The following RLF variants were observed in gnomAD, a reference collection of about 807,000 sequenced individuals.
RLF encodes the protein zinc finger protein Rlf.
In RLF, 7 loss-of-function variants were observed where a neutral mutation model predicts 162.9. The ratio of observed to expected loss-of-function variants is 0.04; its 90% CI spans 0.02 to 0.08. The LOEUF (loss-of-function observed/expected upper bound fraction) is 0.08. Ranked by LOEUF, RLF falls within the 10% of genes least tolerant of loss-of-function variation. The pLI, the probability that RLF is intolerant of heterozygous loss-of-function variation, is 1.00. For synonymous variants in RLF, 782 were observed against 791.5 expected (o/e 0.99, Z 0.20); for missense variants, 1,664 against 2,244.7 (o/e 0.74, Z 5.23).
Position 40,236,442 on chromosome 1 carries a change from A to G in RLF, c.1740A>G (p.Gly580=). The change falls in exon 8 of 8, where the codon GGA becomes GGG. Residue 580 remains glycine, a synonymous_variant. Coordinates refer to ENST00000372771, the MANE Select transcript of RLF (RefSeq NM_012421.4). This position sits in a 1 kb window ranked among gnomAD's most constrained non-coding sequence, Gnocchi z 7.7. ...LHHSKMHMED[G]IYTCPVCIKK... ...ATTCTAAGATGCATATGGAAGATGG[A>G]ATTTACACCTGTCCAGTTTGTATTA... 2 of 1,614,074 alleles carry G rather than the reference A, an allele frequency of 1.2e-6. No homozygotes were observed. The highest frequency in any genetic ancestry group is 1.7e-6 in the Non-Finnish European group (2 of 1,179,976).
chr1:40,211,344 C>T (rs1471644815), intron 5 of RLF, among the ~76,000 whole-genome samples: 2 of 152,218 alleles, frequency 1.3e-5, no homozygotes, highest in East Asian at 3.8e-4. Context: ...AGCTGGAATG[C>T]AGGTCACCTG....
chr1:40,196,684 GA>G (rs1642642699), intron 4 of RLF, among the ~76,000 whole-genome samples: 1 of 151,836 alleles, frequency 6.6e-6, no homozygotes, highest in South Asian at 2.1e-4. Context: ...ATTTTTTGTA[GA>G]TATGGGGGTC....
chr1:40,205,521 G>T (rs1296661176), intron 5 of RLF, among the ~76,000 whole-genome samples: 1 of 112,012 alleles, frequency 8.9e-6, no homozygotes, highest in Non-Finnish European at 1.7e-5. Context: ...ACAGAGTCTC[G>T]CACTGTCACC....
intron 1 of RLF, among the ~76,000 whole-genome samples, chr1:40,187,082 AG>A (rs10710518): frequency 0.19 from 28,285 of 151,030 alleles, 2,778 homozygotes; most frequent in Non-Finnish European, 0.21. Flanking sequence ...GCCAGGCTGG[AG>A]TGCAGTGGCG....
At chr1:40,190,735 A>G (rs970634322) in intron 2 of RLF, 37 bp from the exon 3 acceptor site, 44 of 1,315,402 alleles carry the variant, frequency 3.3e-5, no homozygotes, top group African/African-American at 5.8e-5. Flanking sequence ...AATTATTACT[A>G]TAACCACCTT....
At chr1:40,167,012 A>G (rs985753523) in intron 1 of RLF, among the ~76,000 whole-genome samples, 1 of 152,204 alleles carries the variant, frequency 6.6e-6, no homozygotes, top group African/African-American at 2.4e-5. Context: ...ATTTTAAAAA[A>G]AAAGAAATTA....
chr1:40,216,195 A>G (rs1171119630), intron 5 of RLF, among the ~76,000 whole-genome samples: 2 of 152,184 alleles, frequency 1.3e-5, no homozygotes, highest in Non-Finnish European at 1.5e-5. Context: ...GATAAAACCC[A>G]CTGAGGCCAG....
At chr1:40,165,122 A>G (rs1157085660) in intron 1 of RLF, among the ~76,000 whole-genome samples, 1 of 152,344 alleles carries the variant, frequency 6.6e-6, no homozygotes, top group Non-Finnish European at 1.5e-5. Flanking sequence ...TATTTTTAAA[A>G]ATGCCTTCAG....
chr1:40,197,452 A>G (rs183280635), intron 4 of RLF, among the ~76,000 whole-genome samples: 38 of 152,256 alleles, frequency 2.5e-4, no homozygotes, highest in African/African-American at 8.7e-4. Context: ...GGCAGAGGAG[A>G]TTGCATGTTT....
intron 3 of RLF, among the ~76,000 whole-genome samples, chr1:40,193,138 A>AC (rs1467776746): frequency 6.6e-6 from 1 of 151,726 alleles, no homozygotes; most frequent in African/African-American, 2.4e-5. Flanking sequence ...AAAAAAAAAA[A>AC]AAAAAAAAGA....
At chr1:40,177,239 G>A (rs1448070657) in intron 1 of RLF, among the ~76,000 whole-genome samples, 2 of 151,722 alleles carry the variant, frequency 1.3e-5, no homozygotes, top group Admixed American at 1.3e-4. Context: ...GCCCGTGCTG[G>A]GATTATCAGC....
At chr1:40,229,407 A>G (rs998483068) in intron 6 of RLF, among the ~76,000 whole-genome samples, 3 of 146,744 alleles carry the variant, frequency 2.0e-5, no homozygotes, top group Non-Finnish European at 1.5e-5. Context: ...TATATTGGTT[A>G]TAGCTCAAAT....
rs12022083 is a variant in RLF at position 40,221,491 on chromosome 1, A to G, written c.811-1083A>G. Among the ~76,000 whole-genome samples, 119 of 152,318 alleles carry G rather than the reference A, an allele frequency of 7.8e-4. No individual in the cohort carries two copies. The East Asian group carries it at 0.022, about 28-fold the overall frequency. On this transcript the variant is annotated intron_variant, in intron 5 of 7. Transcript: ENST00000372771. The stretch of plus-strand genomic sequence containing the variant: ...ATAACATTTGAGCTGAGCTTTAAAA[A>G]AAGCCTTTCTGCACCTACCTGAAGA...
intron 6 of RLF, 54 bp from the exon 7 acceptor site, chr1:40,231,463 G>A (rs1643150880): frequency 3.9e-6 from 6 of 1,555,598 alleles, no homozygotes; most frequent in Non-Finnish European, 5.2e-6. Flanking sequence ...CCGGGGGCAG[G>A]GCAGCAAATA....
chr1:40,165,047 A>G (rs1642146526), intron 1 of RLF, among the ~76,000 whole-genome samples: 1 of 152,208 alleles, frequency 6.6e-6, no homozygotes, highest in Non-Finnish European at 1.5e-5. Flanking sequence ...TCTTTTGCAA[A>G]TGGATAATAG....
chr1:40,195,791 G>A, intron 4 of RLF, 27 bp downstream of exon 4: 1 of 1,595,672 alleles, frequency 6.3e-7, no homozygotes, highest in Non-Finnish European at 8.5e-7. Flanking sequence ...TATTGGATGA[G>A]GATTTAGTTC....
Position 40,195,754 on chromosome 1 carries a change from A to G in RLF, c.597A>G (p.Glu199=). 1 of 1,613,658 alleles carries G rather than the reference A, an allele frequency of 6.2e-7. No homozygotes were observed. Among genetic ancestry groups the G allele is most frequent in the Non-Finnish European group, 8.5e-7 (1 of 1,179,824 alleles). The change falls in exon 4 of 8, where the codon GAA becomes GAG. Residue 199 remains glutamate (E), a synonymous_variant. Transcript: ENST00000372771. ...AAATTCTGTCTCAACAGCCAGTAGA[A>G]ACGGAGGAAGGTAAGTCTTAAGACT... ...LLKILSQQPV[E]TEEVNKLIAQ... is the part of the protein sequence containing the mutation.
intron 1 of RLF, among the ~76,000 whole-genome samples, chr1:40,182,791 A>AGATG (rs1557741398): frequency 6.8e-6 from 1 of 147,674 alleles, no homozygotes; most frequent in African/African-American, 2.5e-5. Context: ...ATAGATAGAT[A>AGATG]GAGTAATAAG....
rs183011196 is a variant in RLF, at chr1:40,234,008, G to A, written c.1090-1784G>A. Among the ~76,000 whole-genome samples the A allele has an allele frequency of 3.5e-4, 54 of 152,312 alleles. No individual in the cohort carries two copies. In the East Asian group the frequency reaches 7.9e-3, roughly 22 times the overall value. On this transcript the variant is annotated intron_variant, in intron 7 of 7. Coordinates refer to ENST00000372771, the MANE Select transcript of RLF (RefSeq NM_012421.4). ...CTGTTGCCCAGGCTGGCATGCAGTG[G>A]CGTGATCTCAGCTCACTGCAACCTC...
Sources: allele counts gnomAD v4.1 joint callset (sites outside exome capture counted in the v4.1 genomes callset), GRCh38; gene constraint gnomAD v4.1.1; non-coding constraint Gnocchi (gnomAD v3.1); transcripts MANE v1.5; gene names NCBI Gene and HGNC (gene_info 2026-07-23, HGNC 2026-07-21).